Variants in SLC35F1 observed in about 807,000 individuals in gnomAD.
SLC35F1 encodes chromosome 6 open reading frame 169.
Under a neutral mutation model 48.7 loss-of-function variants are expected in SLC35F1, and 14 were observed. The observed-to-expected ratio is 0.29, with a 90% confidence interval of 0.19 to 0.45. SLC35F1 has a LOEUF of 0.45. Ranked by LOEUF, SLC35F1 falls within the 20% of genes least tolerant of loss-of-function variation. The probability of loss-of-function intolerance (pLI) is 1.00; values close to 1 mark genes in which losing one functional copy is unlikely to be tolerated. For synonymous variants in SLC35F1, 190 were observed against 202.2 expected, an observed-to-expected ratio of 0.94 and a Z score of 0.51; for missense variants, 404 against 500.0, an observed-to-expected ratio of 0.81 and a Z score of 1.83.
intron 1 of SLC35F1, among the ~76,000 whole-genome samples, chr6:118,055,054 T>C (rs1415620680): frequency 6.6e-6 from 1 of 152,154 alleles, no homozygotes; most frequent in Non-Finnish European, 1.5e-5. Context: ...GGATTACAGG[T>C]GCGAGCCACC....
At chr6:117,986,336 C>T (rs998017195) in intron 1 of SLC35F1, among the ~76,000 whole-genome samples, 1 of 152,142 alleles carries the variant, frequency 6.6e-6, no homozygotes, top group Admixed American at 6.5e-5. Flanking sequence ...AATGTCAGTC[C>T]AGGCAGAGCC....
intron 1 of SLC35F1, among the ~76,000 whole-genome samples, chr6:118,000,188 C>CA (rs1777069844): frequency 6.6e-6 from 1 of 152,104 alleles, no homozygotes; most frequent in African/African-American, 2.4e-5. Flanking sequence ...AACATTGATG[C>CA]AAAAATCCTC....
At position 118,235,609 on chromosome 6, in the gene SLC35F1, C is replaced by G; in HGVS notation, c.450C>G (p.Tyr150Ter). 6.2e-7 allele frequency: 1 copy of G among 1,613,460 alleles called. No individual in the cohort carries two copies. The highest frequency in any genetic ancestry group is 8.5e-7 in the Non-Finnish European group (1 of 1,179,626). ...CAAATTATCTGGTGGTCAAGGCTTA[C>G]CAATACACAACTCTGACCAGTATCC... ...LEANYLVVKAYQYTTLTSIQL... is the reference protein window; with the variant it reads ...LEANYLVVKA Residue 150 changes from tyrosine to a stop codon, truncating the protein, a stop_gained, in exon 3 of 8, where the codon TAC (tyrosine) becomes TAG (stop). Coordinates refer to ENST00000360388, the MANE Select transcript of SLC35F1 (RefSeq NM_001029858.4). LOFTEE classifies it high-confidence loss of function.
intron 1 of SLC35F1, among the ~76,000 whole-genome samples, chr6:118,079,382 G>A (rs371835145): frequency 1.3e-5 from 2 of 152,090 alleles, no homozygotes. Flanking sequence ...TTATTATATT[G>A]TATGTATTTT....
intron 1 of SLC35F1, among the ~76,000 whole-genome samples, chr6:117,926,226 T>C (rs1213883594): frequency 1.3e-5 from 2 of 152,024 alleles, no homozygotes; most frequent in African/African-American, 4.8e-5. Flanking sequence ...AATGAGTGAG[T>C]CTCATGAGAT....
intron 1 of SLC35F1, among the ~76,000 whole-genome samples, chr6:117,938,822 C>T (rs1472926881): frequency 6.6e-6 from 1 of 152,076 alleles, no homozygotes; most frequent in Non-Finnish European, 1.5e-5. Flanking sequence ...GATTTAAGTG[C>T]CAGCTTACTG....
At chr6:118,073,834 T>A (rs1772778858) in intron 1 of SLC35F1, among the ~76,000 whole-genome samples, 1 of 152,210 alleles carries the variant, frequency 6.6e-6, no homozygotes, top group African/African-American at 2.4e-5. Flanking sequence ...TAAGACAAAT[T>A]AGTCTTTTAT....
chr6:117,933,498 A>G (rs1334840661), intron 1 of SLC35F1, among the ~76,000 whole-genome samples: 1 of 152,190 alleles, frequency 6.6e-6, no homozygotes, highest in Non-Finnish European at 1.5e-5. Flanking sequence ...TCACCTCCCA[A>G]AAAGAATAGT....
At chr6:118,042,477 A>T (rs576349313) in intron 1 of SLC35F1, among the ~76,000 whole-genome samples, 1 of 152,296 alleles carries the variant, frequency 6.6e-6, no homozygotes, top group East Asian at 1.9e-4. Flanking sequence ...ATATGCAAAG[A>T]CATCAAGACA....
chr6:118,088,947 G>A (rs1773032266), intron 1 of SLC35F1, among the ~76,000 whole-genome samples: 1 of 152,228 alleles, frequency 6.6e-6, no homozygotes, highest in South Asian at 2.1e-4. Flanking sequence ...TGGACTAGCA[G>A]CAGCTGTGGG....
chr6:118,298,796 T>G (rs746040372), intron 7 of SLC35F1, among the ~76,000 whole-genome samples: 4 of 152,204 alleles, frequency 2.6e-5, no homozygotes, highest in Non-Finnish European at 5.9e-5. Context: ...CTTTTCTTAT[T>G]TGGTTGCTAC....
chr6:117,944,429 C>T (rs1482320182), intron 1 of SLC35F1, among the ~76,000 whole-genome samples: 4 of 152,018 alleles, frequency 2.6e-5, no homozygotes, highest in Admixed American at 2.0e-4. Context: ...AATTCAGAGC[C>T]ATGCTGCAAT....
intron 4 of SLC35F1, among the ~76,000 whole-genome samples, chr6:118,271,069 A>AAAAT (rs1333171248): frequency 6.6e-6 from 1 of 152,224 alleles, no homozygotes; most frequent in Non-Finnish European, 1.5e-5. Flanking sequence ...CAAGGAAAGG[A>AAAAT]AAATATTTTC....
At chr6:118,235,769 C>T in intron 3 of SLC35F1, 133 bp downstream of exon 3, 1 of 785,440 alleles carries the variant, frequency 1.3e-6, no homozygotes, top group East Asian at 3.0e-5. Flanking sequence ...CTGCAGTATA[C>T]AGATTCTGTA....
chr6:118,217,390 A>C (rs1174953718), intron 2 of SLC35F1, among the ~76,000 whole-genome samples: 1 of 152,236 alleles, frequency 6.6e-6, no homozygotes, highest in Non-Finnish European at 1.5e-5. Flanking sequence ...AAGGACAAAT[A>C]ATATATGATT....
rs189137885 is a variant in SLC35F1 at position 118,282,880 on chromosome 6, T to C, written c.848-2304T>C. Among the ~76,000 whole-genome samples, 144 of 152,290 alleles carry C rather than the reference T, an allele frequency of 9.5e-4. 5 individuals are homozygous for C. In the East Asian group the frequency reaches 0.015, roughly 16 times the overall value. On this transcript the variant is annotated intron_variant, in intron 6 of 7. Transcript: ENST00000360388. ...AAGCTACCAGCCTCTCTTGCCGGGA[T>C]TGTGACACCGCCATTCTAACTGGTC...
chr6:118,107,073 C>T (rs1029379754), intron 1 of SLC35F1, among the ~76,000 whole-genome samples: 1 of 152,178 alleles, frequency 6.6e-6, no homozygotes, highest in African/African-American at 2.4e-5. Flanking sequence ...CAATGGATGG[C>T]AAGCTCAGTA....
chr6:117,914,589 A>G (rs1309236064), intron 1 of SLC35F1, among the ~76,000 whole-genome samples: 1 of 152,222 alleles, frequency 6.6e-6, no homozygotes, highest in Non-Finnish European at 1.5e-5. Flanking sequence ...CTGCTGGATC[A>G]CAATGGCTAG....
intron 1 of SLC35F1, among the ~76,000 whole-genome samples, chr6:118,035,483 A>C (rs1431432454): frequency 6.6e-6 from 1 of 150,764 alleles, no homozygotes; most frequent in Admixed American, 6.6e-5. Flanking sequence ...GCATGGTGGC[A>C]CATGCCCGTA....
Sources: gnomAD v4.1 joint callset for allele counts (sites outside exome capture counted in the v4.1 genomes callset) on GRCh38, gnomAD v4.1.1 for gene constraint, MANE v1.5 for transcripts, NCBI Gene and HGNC (gene_info 2026-07-23, HGNC 2026-07-21) for gene names.